VWA2: variants seen among roughly 807,000 people sequenced by gnomAD.
The protein encoded by VWA2 is von Willebrand factor A domain containing 2.
Under a neutral mutation model 70.4 loss-of-function variants are expected in VWA2, and 73 were observed. The ratio of observed to expected loss-of-function variants is 1.04; its 90% CI spans 0.86 to 1.26. The LOEUF (loss-of-function observed/expected upper bound fraction) is 1.26, where lower values mean the gene tolerates loss of function less well. Ranked by LOEUF, VWA2 falls within the 50% of genes most tolerant of loss-of-function variation. The probability of loss-of-function intolerance (pLI) is 0.00; values close to 1 mark genes in which losing one functional copy is unlikely to be tolerated. For synonymous variants in VWA2, 407 were observed against 423.3 expected, an observed-to-expected ratio of 0.96 and a Z score of 0.47; for missense variants, 1,011 against 998.5, an observed-to-expected ratio of 1.01 and a Z score of -0.17.
intron 2 of VWA2, among the ~76,000 whole-genome samples, chr10:114,250,308 A>G (rs2037168820): frequency 6.6e-6 from 1 of 152,252 alleles, no homozygotes. Flanking sequence ...AGATTAATGA[A>G]TAAATAATGG....
At chr10:114,259,200 G>GT (rs2037391079) in intron 4 of VWA2, among the ~76,000 whole-genome samples, 1 of 152,114 alleles carries the variant, frequency 6.6e-6, no homozygotes, top group Non-Finnish European at 1.5e-5. Flanking sequence ...CATTGTATAT[G>GT]TTTTTTTGCT....
chr10:114,285,829 C>T (rs2038803874), intron 10 of VWA2, 110 bp from the exon 11 acceptor site: 2 of 1,223,998 alleles, frequency 1.6e-6, no homozygotes, highest in Non-Finnish European at 2.2e-6. Context: ...GGGGGGCCCA[C>T]AGTTTCTCTG....
At position 114,267,407 on chromosome 10, in the gene VWA2, G is replaced by A. The variant is rs190044871; in HGVS notation, c.372-5333G>A. 1.7e-4 allele frequency among the ~76,000 whole-genome samples: 26 copies of A among 151,356 alleles called. No individual in the cohort carries two copies. The South Asian group carries it at 2.9e-3, about 17-fold the overall frequency. On this transcript the variant is annotated intron_variant, in intron 5 of 13. Transcript: ENST00000392982. ...GCTGGGATTACAGTTGTGAGCCACC[G>A]CGCCGGCTGGGTTTTCTTATGAATT...
intron 4 of VWA2, among the ~76,000 whole-genome samples, chr10:114,256,013 G>C (rs950101890): frequency 1.3e-5 from 2 of 152,170 alleles, no homozygotes; most frequent in Non-Finnish European, 2.9e-5. Flanking sequence ...CACTGCTGGT[G>C]GAGTGTGAAA....
intron 1 of VWA2, among the ~76,000 whole-genome samples, chr10:114,240,313 C>A (rs2036953269): frequency 6.6e-6 from 1 of 152,168 alleles, no homozygotes; most frequent in Non-Finnish European, 1.5e-5. Flanking sequence ...CCCTTGGCCA[C>A]CTGCTGGGAC....
At chr10:114,274,191 G>A (rs1293737271) in intron 6 of VWA2, among the ~76,000 whole-genome samples, 1 of 152,236 alleles carries the variant, frequency 6.6e-6, no homozygotes, top group Non-Finnish European at 1.5e-5. Context: ...AAGTAAGGGT[G>A]GAAGAGCCAG....
At chr10:114,288,828 C>A in intron 11 of VWA2, 110 bp from the exon 12 acceptor site, 1 of 1,133,594 alleles carries the variant, frequency 8.8e-7, no homozygotes, top group Non-Finnish European at 1.3e-6. Context: ...CTGCAGTGAA[C>A]AGAGCACCCT....
chr10:114,275,346 C>G (rs1163862423), intron 6 of VWA2, among the ~76,000 whole-genome samples: 1 of 152,192 alleles, frequency 6.6e-6, no homozygotes, highest in Non-Finnish European at 1.5e-5. Flanking sequence ...TTTGTCTTCT[C>G]AAATATAGGC....
At position 114,259,515 on chromosome 10, in the gene VWA2, A is replaced by G. The variant is rs143592357; in HGVS notation, c.262-1671A>G. Among the ~76,000 whole-genome samples the G allele has an allele frequency of 4.2e-4, 61 of 144,172 alleles. No homozygotes were observed. In the East Asian group the frequency reaches 0.012, roughly 29 times the overall value. 94.6% of individuals were successfully genotyped at this position (144,172 alleles called of 152,430 possible). On this transcript the variant is annotated intron_variant, in intron 4 of 13. Transcript: ENST00000392982. ...GGTCACATTTATCAATCTTTCCTTT[A>G]TGGCTTCTGGATTCTAAGTAATAGA...
chr10:114,261,814 TACCTG>T (rs1466930221), intron 5 of VWA2, among the ~76,000 whole-genome samples: 1 of 152,186 alleles, frequency 6.6e-6, no homozygotes. Context: ...TATAAAGAAA[TACCTG>T]AGGCTGGGTA....
At chr10:114,286,605 T>C in intron 11 of VWA2, 94 bp downstream of exon 11, 2 of 1,101,194 alleles carry the variant, frequency 1.8e-6, no homozygotes, top group Middle Eastern at 2.6e-4. Flanking sequence ...TGCCAGTGCC[T>C]CTTCTAGGGG....
In VWA2 at chr10:114,286,162, C is replaced by CT; in HGVS notation, c.1222dup (p.Trp408LeufsTer40). ...AGTACCAGGATGTGCCTGACCTGGT[C>CT]TGGAGCCTCGATGGCATTCCCTTCC... On this transcript the variant is annotated frameshift_variant, in exon 11 of 14. Coordinates refer to ENST00000392982, the MANE Select transcript of VWA2 (RefSeq NM_001272046.2). LOFTEE classifies it high-confidence loss of function. 6.2e-7 allele frequency: 1 copy of CT among 1,614,074 alleles called. No homozygotes were observed. Among genetic ancestry groups the CT allele is most frequent in the East Asian group, 2.2e-5 (1 of 44,878 alleles).
intron 1 of VWA2, among the ~76,000 whole-genome samples, chr10:114,248,040 G>A (rs1259796837): frequency 3.3e-5 from 5 of 151,924 alleles, no homozygotes; most frequent in East Asian, 1.9e-4. Flanking sequence ...CCCGGGAGGC[G>A]GAGGTTGCAG....
At chr10:114,271,547 G>A (rs973271768) in intron 5 of VWA2, among the ~76,000 whole-genome samples, 2 of 151,994 alleles carry the variant, frequency 1.3e-5, no homozygotes, top group African/African-American at 4.8e-5. Flanking sequence ...GCTTGGAGGG[G>A]AGCCAACCAG....
In VWA2 at chr10:114,278,057, T is replaced by C; in HGVS notation, c.700+10T>C. ...TCCAGCGCCACGCCAGGTAAGATCTTCCAGCCTGGAGGGAGTGGAAGTGCC... is the reference window on the plus strand; with the variant it reads ...TCCAGCGCCACGCCAGGTAAGATCTCCCAGCCTGGAGGGAGTGGAAGTGCC... On this transcript the variant is annotated intron_variant, in intron 7 of 13. Coordinates refer to ENST00000392982, the MANE Select transcript of VWA2 (RefSeq NM_001272046.2). 1 of 1,607,054 alleles carries C rather than the reference T, an allele frequency of 6.2e-7. No homozygotes were observed. Among genetic ancestry groups the C allele is most frequent in the Non-Finnish European group, 8.5e-7 (1 of 1,174,810 alleles).
chr10:114,284,560 G>A (rs1366789275), intron 9 of VWA2, among the ~76,000 whole-genome samples: 5 of 152,190 alleles, frequency 3.3e-5, no homozygotes, highest in African/African-American at 1.2e-4. Context: ...TCAGTCTTGA[G>A]GCACCCACAC....
chr10:114,239,605 G>C (rs1240750527), intron 1 of VWA2, 36 bp downstream of exon 1: 1 of 152,280 alleles, frequency 6.6e-6, no homozygotes, highest in Non-Finnish European at 1.5e-5. Flanking sequence ...TGGCGCCCGG[G>C]TACCCGCCAG....
In VWA2 at chr10:114,278,084, T is replaced by C. The variant is rs532661575; in HGVS notation, c.700+37T>C. 15 of 1,591,284 alleles carry C rather than the reference T, an allele frequency of 9.4e-6. No homozygotes were observed. The South Asian group carries it at 1.3e-4, about 14-fold the overall frequency. On this transcript the variant is annotated intron_variant, in intron 7 of 13. Transcript: ENST00000392982. ...CAGCCTGGAGGGAGTGGAAGTGCCA[T>C]GTGGGGTCGGGGAGGGCTCCCTGAG...
chr10:114,269,174 G>C (rs887104114), intron 5 of VWA2, among the ~76,000 whole-genome samples: 1 of 152,198 alleles, frequency 6.6e-6, no homozygotes, highest in Non-Finnish European at 1.5e-5. Context: ...AACGTGAAGG[G>C]TAAGTACCGT....
Sources: gnomAD v4.1 joint callset for allele counts (sites outside exome capture counted in the v4.1 genomes callset) on GRCh38, gnomAD v4.1.1 for gene constraint, MANE v1.5 for transcripts, NCBI Gene and HGNC (gene_info 2026-07-23, HGNC 2026-07-21) for gene names.